Variants in LAMA2 observed in about 807,000 individuals in gnomAD.
LAMA2 encodes laminin subunit alpha 2.
LAMA2 carries 269 observed loss-of-function variants against 364.8 expected under a neutral mutation model. The observed-to-expected ratio is 0.74, with a 90% confidence interval of 0.67 to 0.82. LAMA2 has a LOEUF of 0.82. LAMA2 is among the 40% of genes least tolerant of loss of function. The probability of loss-of-function intolerance (pLI) is 0.00; values close to 1 mark genes in which losing one functional copy is unlikely to be tolerated. For missense variants in LAMA2, 3,807 were observed against 3,873.2 expected (o/e 0.98, Z 0.45); for synonymous variants, 1,379 against 1,370.6 (o/e 1.01, Z -0.14).
At chr6:128,939,669 T>A (rs1463553626) in intron 1 of LAMA2, among the ~76,000 whole-genome samples, 1 of 152,136 alleles carries the variant, frequency 6.6e-6, no homozygotes, top group Admixed American at 6.6e-5. Flanking sequence ...TCATTTTCAA[T>A]GGCAGAGAGG....
chr6:129,442,006 T>A (rs1369675086), intron 43 of LAMA2, among the ~76,000 whole-genome samples: 1 of 152,088 alleles, frequency 6.6e-6, no homozygotes, highest in Non-Finnish European at 1.5e-5. Context: ...GGGGTTATCT[T>A]GGTATCCTTG....
At position 129,383,516 on chromosome 6, in the gene LAMA2, T is replaced by C. The variant is rs148205328; in HGVS notation, c.5071+283T>C. Among the ~76,000 whole-genome samples the C allele has an allele frequency of 3.9e-3, 590 of 152,324 alleles. 4 individuals carry two copies. The highest frequency in any genetic ancestry group is 0.013 in the African/African-American group (543 of 41,566). On this transcript the variant is annotated intron_variant, in intron 35 of 64. Transcript: ENST00000421865. The stretch of plus-strand genomic sequence containing the variant: ...TAATTACATAAGAATAGGCAACTTT[T>C]GTTTTGTTATTGTTTTTATTTGAAA...
intron 1 of LAMA2, among the ~76,000 whole-genome samples, chr6:128,903,890 C>A (rs989860162): frequency 1.3e-5 from 2 of 152,078 alleles, no homozygotes; most frequent in East Asian, 3.9e-4. Flanking sequence ...TTTTAAGAGG[C>A]CTGCTGCTGG....
At chr6:128,942,244 T>C (rs765914783) in intron 1 of LAMA2, among the ~76,000 whole-genome samples, 8 of 152,146 alleles carry the variant, frequency 5.3e-5, no homozygotes, top group Non-Finnish European at 1.0e-4. Flanking sequence ...TATTGAGTTC[T>C]TTTAGGAGAA....
rs969401329 is a variant in LAMA2 at position 129,281,152 on chromosome 6, GA to G, written c.2537+1014del. On this transcript the variant is annotated intron_variant, in intron 18 of 64. Coordinates refer to ENST00000421865, the MANE Select transcript of LAMA2 (RefSeq NM_000426.4). ...AAGCATCTGTAAATTAGGAATGAAA[GA>G]AAAAAAAATGAAACAAGCAGCATTT... Among the ~76,000 whole-genome samples the G allele has an allele frequency of 4.7e-5, 7 of 149,820 alleles. 1 individual carries two copies. The highest frequency in any genetic ancestry group is 3.9e-4 in the East Asian group (2 of 5,124).
chr6:129,354,632 A>G (rs949107742), intron 32 of LAMA2, among the ~76,000 whole-genome samples: 29 of 152,274 alleles, frequency 1.9e-4, no homozygotes, highest in Admixed American at 1.7e-3. Flanking sequence ...ATTATTAATC[A>G]TCACTTTTAT....
intron 62 of LAMA2, among the ~76,000 whole-genome samples, chr6:129,509,150 T>G (rs1384772146): frequency 1.3e-5 from 2 of 152,228 alleles, no homozygotes; most frequent in Non-Finnish European, 2.9e-5. Flanking sequence ...CTGAATATCT[T>G]CTTTTGAGAA....
At chr6:129,202,707 G>C (rs549449607) in intron 12 of LAMA2, among the ~76,000 whole-genome samples, 9 of 152,244 alleles carry the variant, frequency 5.9e-5, no homozygotes, top group Admixed American at 1.3e-4. Context: ...AACAACGCAA[G>C]CAATCAAATG....
At chr6:129,337,882 T>C (rs1006719109) in intron 29 of LAMA2, among the ~76,000 whole-genome samples, 16 of 152,018 alleles carry the variant, frequency 1.1e-4, no homozygotes, top group Non-Finnish European at 2.1e-4. Context: ...TAAGAAAAAA[T>C]ACTATGTACA....
rs189828567 is a variant in LAMA2, at chr6:129,380,147, T to C, written c.4960-2975T>C. On this transcript the variant is annotated intron_variant, in intron 34 of 64. Transcript: ENST00000421865. The stretch of plus-strand genomic sequence containing the variant: ...TGAAAATCTAAGAAAAGAGAGCATG[T>C]GCTAGAATAGGTAAGGAGGGCTTCA... 9.2e-5 allele frequency among the ~76,000 whole-genome samples: 14 copies of C among 152,290 alleles called. No homozygotes were observed. The East Asian group carries it at 1.4e-3, about 15-fold the overall frequency.
intron 60 of LAMA2, among the ~76,000 whole-genome samples, 196 bp from the exon 61 acceptor site, chr6:129,505,004 C>A (rs1785941399): frequency 6.6e-6 from 1 of 152,164 alleles, no homozygotes; most frequent in Admixed American, 6.5e-5. Context: ...TGATAGTAGT[C>A]ATGGAAAAGA....
At chr6:129,016,931 G>C (rs1021456476) in intron 1 of LAMA2, among the ~76,000 whole-genome samples, 1 of 151,386 alleles carries the variant, frequency 6.6e-6, no homozygotes, top group Non-Finnish European at 1.5e-5. Context: ...AGAAAGAAAA[G>C]CTCAATAAAT....
intron 1 of LAMA2, among the ~76,000 whole-genome samples, chr6:128,909,504 T>C (rs1305271950): frequency 2.7e-5 from 4 of 149,784 alleles, no homozygotes; most frequent in Admixed American, 6.7e-5. Context: ...TCTTCCTCCA[T>C]CCTTTTATTT....
At position 129,454,277 on chromosome 6, in the gene LAMA2, C is replaced by T. The variant is rs977194317; in HGVS notation, c.6696C>T (p.Ile2232=). ...TTGATGACTCATATTGGTACCGTAT[C>T]GTAGCATCAAGGTAACCAACTTAAT... The part of the protein sequence containing the change: ...LTIDDSYWYR[I]VASRTGRNGT... The change falls in exon 47 of 65, where the codon ATC becomes ATT. Residue 2232 remains isoleucine (I), a synonymous_variant. Coordinates refer to ENST00000421865, the MANE Select transcript of LAMA2 (RefSeq NM_000426.4). 40 of 1,610,532 alleles carry T rather than the reference C, an allele frequency of 2.5e-5. No homozygotes were observed. In the South Asian group the frequency reaches 2.5e-4, roughly 10 times the overall value.
chr6:129,159,338 C>T (rs1779320034), intron 8 of LAMA2, among the ~76,000 whole-genome samples: 1 of 152,178 alleles, frequency 6.6e-6, no homozygotes, highest in Non-Finnish European at 1.5e-5. Flanking sequence ...CCTATGCTTC[C>T]ATCTCATGAA....
intron 1 of LAMA2, among the ~76,000 whole-genome samples, chr6:128,933,791 GT>G (rs1293062934): frequency 1.3e-5 from 2 of 152,012 alleles, no homozygotes; most frequent in African/African-American, 4.8e-5. Flanking sequence ...CTTATTTTGT[GT>G]TTTCTTGCTA....
At chr6:129,109,660 T>C (rs1179587386) in intron 4 of LAMA2, among the ~76,000 whole-genome samples, 3 of 152,108 alleles carry the variant, frequency 2.0e-5, no homozygotes, top group African/African-American at 7.2e-5. Context: ...TAGGTAATTA[T>C]ATCAATATTA....
chr6:129,430,224 G>C (rs1468769554), intron 41 of LAMA2, among the ~76,000 whole-genome samples: 2 of 152,166 alleles, frequency 1.3e-5, no homozygotes, highest in African/African-American at 4.8e-5. Context: ...CTTGACAGCA[G>C]CTATTAAAAT....
chr6:128,944,640 A>G (rs1314399519), intron 1 of LAMA2, among the ~76,000 whole-genome samples: 1 of 143,678 alleles, frequency 7.0e-6, no homozygotes. Context: ...TAAAAGTAGA[A>G]AAAAAAAAAA....
Sources: allele counts gnomAD v4.1 joint callset (sites outside exome capture counted in the v4.1 genomes callset), GRCh38; gene constraint gnomAD v4.1.1; transcripts MANE v1.5; gene names NCBI Gene and HGNC (gene_info 2026-07-23, HGNC 2026-07-21).